The following QTMAN variants were observed in gnomAD, a reference collection of about 807,000 sequenced individuals.
The protein encoded by QTMAN is queuosine-tRNA mannosyltransferase.
the QTMAN span, chr2:144,142,175 C>G: frequency 5.0e-6 from 3 of 604,882 alleles, no homozygotes; most frequent in Non-Finnish European, 5.6e-6. Flanking sequence ...TTGCAAAGAA[C>G]TCTTCACTTC....
the QTMAN span, among the ~76,000 whole-genome samples, chr2:144,110,678 G>GT: frequency 9.4e-6 from 1 of 106,450 alleles, no homozygotes; most frequent in Non-Finnish European, 2.0e-5. Flanking sequence ...GAGAAAAATC[G>GT]ACCCCCCCCC....
the QTMAN span, among the ~76,000 whole-genome samples, chr2:144,152,181 T>A: frequency 1.3e-5 from 2 of 152,182 alleles, no homozygotes; most frequent in African/African-American, 4.8e-5. Flanking sequence ...AGGAGAGCAC[T>A]GTATACAAAA....
the QTMAN span, among the ~76,000 whole-genome samples, chr2:144,136,735 GA>G: frequency 1.3e-5 from 2 of 152,030 alleles, no homozygotes; most frequent in Admixed American, 6.6e-5. Context: ...AGTTCCACGG[GA>G]AATCTGTCTT....
chr2:143,941,733 G>A, the QTMAN span: 5 of 151,358 alleles, frequency 3.3e-5, no homozygotes, highest in African/African-American at 4.9e-5. Flanking sequence ...CCCTTTTAAT[G>A]GCAGAAATGT....
At chr2:143,953,041 C>G in the QTMAN span, among the ~76,000 whole-genome samples, 1 of 151,764 alleles carries the variant, frequency 6.6e-6, no homozygotes, top group East Asian at 1.9e-4. Flanking sequence ...TTTCATAGAA[C>G]AGAACCAACA....
chr2:144,029,108 A>C, the QTMAN span, among the ~76,000 whole-genome samples: 7 of 152,214 alleles, frequency 4.6e-5, no homozygotes, highest in Non-Finnish European at 7.3e-5. Flanking sequence ...AAATGAGAAC[A>C]ACTTCCTAAG....
chr2:144,184,500 C>T, the QTMAN span, among the ~76,000 whole-genome samples: 3 of 152,000 alleles, frequency 2.0e-5, no homozygotes, highest in Non-Finnish European at 4.4e-5. Context: ...CAACAAAAGG[C>T]TTAGAAACAA....
At chr2:144,208,685 G>C in the QTMAN span, 1 of 1,613,808 alleles carries the variant, frequency 6.2e-7, no homozygotes, top group Non-Finnish European at 8.5e-7. Context: ...TTTGCAGGAA[G>C]GGTATAAACG....
chr2:144,317,320 G>A, the QTMAN span, among the ~76,000 whole-genome samples: 1 of 144,232 alleles, frequency 6.9e-6, no homozygotes, highest in East Asian at 2.1e-4. Flanking sequence ...AATAGTCACT[G>A]CTATACTAAA....
chr2:144,179,150 G>A, the QTMAN span, among the ~76,000 whole-genome samples: 1 of 152,136 alleles, frequency 6.6e-6, no homozygotes, highest in African/African-American at 2.4e-5. Flanking sequence ...CTTGATTGAG[G>A]TCACTTAGAC....
the QTMAN span, among the ~76,000 whole-genome samples, chr2:143,963,615 T>C: frequency 6.6e-6 from 1 of 152,134 alleles, no homozygotes; most frequent in Non-Finnish European, 1.5e-5. Flanking sequence ...CATTTACTTA[T>C]TTTGTTCAGA....
chr2:144,231,010 C>T, the QTMAN span, among the ~76,000 whole-genome samples: 2 of 151,972 alleles, frequency 1.3e-5, no homozygotes, highest in Non-Finnish European at 2.9e-5. Context: ...TGTGAGATGC[C>T]ATAGAAAACA....
chr2:144,116,542 A>G, the QTMAN span, among the ~76,000 whole-genome samples: 1 of 152,208 alleles, frequency 6.6e-6, no homozygotes, highest in Non-Finnish European at 1.5e-5. Flanking sequence ...ACTCCCGTAC[A>G]CAATGCCTTC....
chr2:143,952,460 G>T, the QTMAN span, among the ~76,000 whole-genome samples: 4 of 150,934 alleles, frequency 2.7e-5, no homozygotes, highest in Non-Finnish European at 5.9e-5. Flanking sequence ...ATTTTTCTGT[G>T]TGTATCATTA....
the QTMAN span, among the ~76,000 whole-genome samples, chr2:144,133,136 T>TAA: frequency 1.4e-4 from 5 of 34,872 alleles, no homozygotes; most frequent in African/African-American, 6.5e-4. Context: ...TATATATATA[T>TAA]ATATATATAT....
At chr2:144,263,597 G>A in the QTMAN span, among the ~76,000 whole-genome samples, 5 of 152,216 alleles carry the variant, frequency 3.3e-5, no homozygotes, top group African/African-American at 9.6e-5. Context: ...GATGGCAGAC[G>A]CCTGTAATCC....
At chr2:144,303,116 A>G in the QTMAN span, among the ~76,000 whole-genome samples, 33 of 152,226 alleles carry the variant, frequency 2.2e-4, no homozygotes, top group Admixed American at 1.1e-3. Context: ...CCAAAAAAAA[A>G]GAAAAGAAAA....
chr2:144,038,970 C>T, the QTMAN span, among the ~76,000 whole-genome samples: 1 of 152,050 alleles, frequency 6.6e-6, no homozygotes, highest in East Asian at 1.9e-4. Context: ...GAATACACAA[C>T]TGAGATTTTA....
the QTMAN span, among the ~76,000 whole-genome samples, chr2:144,185,931 A>C: frequency 6.6e-6 from 1 of 152,226 alleles, no homozygotes; most frequent in Admixed American, 6.5e-5. Flanking sequence ...AAGATTATAA[A>C]GTCGTACACA....
Sources: gnomAD v4.1 joint callset for allele counts (sites outside exome capture counted in the v4.1 genomes callset) on GRCh38, gnomAD v4.1.1 for gene constraint, MANE v1.5 for transcripts, NCBI Gene and HGNC (gene_info 2026-07-23, HGNC 2026-07-21) for gene names.